Variants in MTRF1L observed in about 807,000 individuals in gnomAD.
MTRF1L encodes peptide chain release factor 1-like, mitochondrial.
A neutral mutation model predicts 40.0 loss-of-function variants in MTRF1L; 29 were observed. The observed-to-expected ratio is 0.73, with a 90% CI of 0.54 to 0.99. The LOEUF (loss-of-function observed/expected upper bound fraction) is 0.99. Among genes scored for constraint, MTRF1L ranks in the 50% least tolerant of loss-of-function variants. The pLI is 0.00. For missense variants in MTRF1L, 412 were observed against 464.5 expected, an observed-to-expected ratio of 0.89 and a Z score of 1.04; for synonymous variants, 150 against 175.8, an observed-to-expected ratio of 0.85 and a Z score of 1.16.
intron 2 of MTRF1L, among the ~76,000 whole-genome samples, chr6:152,995,987 T>A (rs1778702351): frequency 6.6e-6 from 1 of 152,160 alleles, no homozygotes; most frequent in African/African-American, 2.4e-5. Flanking sequence ...ATCAAGGGGA[T>A]CTAGAACAAA....
intron 2 of MTRF1L, among the ~76,000 whole-genome samples, chr6:152,996,963 T>A (rs772606511): frequency 1.2e-4 from 18 of 152,134 alleles, no homozygotes; most frequent in Non-Finnish European, 1.8e-4. Flanking sequence ...AGGCTCTAGT[T>A]TGAGGTACTA....
chr6:152,999,895 T>C (rs761855834), intron 1 of MTRF1L, among the ~76,000 whole-genome samples: 10 of 152,188 alleles, frequency 6.6e-5, no homozygotes, highest in Admixed American at 4.6e-4. Context: ...ATTAAAACAG[T>C]TGTGCCTTGA....
intron 1 of MTRF1L, among the ~76,000 whole-genome samples, chr6:153,002,182 C>T (rs190761984): frequency 2.6e-5 from 4 of 152,212 alleles, no homozygotes; most frequent in African/African-American, 4.8e-5. Flanking sequence ...AGCTAATGAG[C>T]TCTTGCCCGA....
Position 153,002,495 on chromosome 6 carries a change from A to G in MTRF1L, c.191T>C (p.Leu64Ser), listed in dbSNP as rs769046703. 386 of 1,613,522 alleles carry G rather than the reference A, an allele frequency of 2.4e-4. No individual in the cohort carries two copies. Among genetic ancestry groups the G allele is most frequent in the Non-Finnish European group, 3.0e-4 (359 of 1,179,826 alleles). ...EAHLKVRRPE[L>S]LAVIKLLNEK... ...GTTCAGCAGTTTGATCACCGCCAGC[A>G]ACTCGGGCCTCCTGACCTTCAAATG... is the stretch of plus-strand genomic sequence containing the variant. Residue 64 changes from leucine to serine, a missense_variant, in exon 1 of 7, where the codon TTG (leucine) becomes TCG (serine). By Grantham distance (145) the Leu-to-Ser change is moderately radical (BLOSUM62 -2). Transcript: ENST00000367233.
At chr6:152,996,766 A>G (rs139169667) in intron 2 of MTRF1L, among the ~76,000 whole-genome samples, 224 of 152,310 alleles carry the variant, frequency 1.5e-3, no homozygotes, top group Non-Finnish European at 2.9e-4. Flanking sequence ...ATGTAATCCA[A>G]TTCTTAAAAT....
intron 4 of MTRF1L, 124 bp from the exon 5 acceptor site, chr6:152,993,098 G>A: frequency 4.1e-6 from 3 of 725,118 alleles, no homozygotes; most frequent in Non-Finnish European, 6.9e-6. Flanking sequence ...TTAATTTTAA[G>A]ACTAGAGAGT....
intron 2 of MTRF1L, chr6:152,998,218 C>G (rs1200665655): frequency 6.8e-6 from 1 of 147,574 alleles, no homozygotes; most frequent in Non-Finnish European, 1.5e-5. Context: ...CCAGAAAATA[C>G]TATCACTGTG....
intron 5 of MTRF1L, 149 bp from the exon 6 acceptor site, chr6:152,991,470 CT>C: frequency 1.1e-6 from 1 of 930,824 alleles, no homozygotes; most frequent in Non-Finnish European, 1.5e-6. Context: ...AGACTATAAG[CT>C]TAACTTTTGC....
At position 153,002,490 on chromosome 6, in the gene MTRF1L, C is replaced by T; in HGVS notation, c.196G>A (p.Ala66Thr). The T allele has an allele frequency of 1.2e-6, 2 of 1,613,690 alleles. No homozygotes were observed. The highest frequency in any genetic ancestry group is 1.7e-6 in the Non-Finnish European group (2 of 1,179,848). Residue 66 changes from alanine to threonine, a missense_variant, in exon 1 of 7, where the codon GCG (alanine) becomes ACG (threonine). Ala to Thr is a moderately conservative substitution (Grantham distance 58). Coordinates refer to ENST00000367233, the MANE Select transcript of MTRF1L (RefSeq NM_019041.7). ...TTCTCGTTCAGCAGTTTGATCACCG[C>T]CAGCAACTCGGGCCTCCTGACCTTC... ...HLKVRRPELL[A>T]VIKLLNEKER...
intron 1 of MTRF1L, 127 bp downstream of exon 1, chr6:153,002,300 C>G: frequency 7.1e-7 from 1 of 1,417,690 alleles, no homozygotes; most frequent in Non-Finnish European, 9.8e-7. Flanking sequence ...GTCCTGACCT[C>G]TGATCCAAAA....
chr6:152,996,268 G>A (rs1359213837), intron 2 of MTRF1L, among the ~76,000 whole-genome samples: 1 of 152,118 alleles, frequency 6.6e-6, no homozygotes, highest in Non-Finnish European at 1.5e-5. Flanking sequence ...CTTGACATTG[G>A]TCAGAAGCTA....
chr6:152,998,499 T>C (rs1379944292), intron 2 of MTRF1L, 51 bp downstream of exon 2: 13 of 1,357,068 alleles, frequency 9.6e-6, no homozygotes, highest in Non-Finnish European at 1.2e-5. Flanking sequence ...TTAATAAACT[T>C]TAATGCCTAA....
chr6:152,995,288 G>A lies in MTRF1L; in HGVS notation c.371C>T (p.Thr124Ile), dbSNP rs767892301. 1.3e-6 allele frequency: 2 copies of A among 1,597,892 alleles called. No individual in the cohort carries two copies. The highest frequency in any genetic ancestry group is 3.5e-5 in the Admixed American group (2 of 57,238). Residue 124 changes from threonine (T) to isoleucine (I), a missense_variant, in exon 3 of 7, where the codon ACA becomes ATA. Transcript: ENST00000367233. ...TTCCAGGATCAAATCATTTTCATCT[G>A]TTTCTTCTGAGGGAACCAAAAGTAA... ...IILLLVPSEE[T>I]DENDLILEVT...
intron 4 of MTRF1L, among the ~76,000 whole-genome samples, chr6:152,993,843 C>T (rs534562340): frequency 1.3e-5 from 2 of 152,252 alleles, no homozygotes; most frequent in South Asian, 2.1e-4. Context: ...AAACTAAGAC[C>T]TAAAGAAAGG....
chr6:152,991,958 T>A (rs555301344), intron 5 of MTRF1L, among the ~76,000 whole-genome samples: 2 of 152,352 alleles, frequency 1.3e-5, no homozygotes, highest in East Asian at 3.9e-4. Context: ...AAGTAACAAC[T>A]ACTTATAGAA....
rs1013560250 is a variant in MTRF1L at position 152,994,851 on chromosome 6, A to C, written c.524-175T>G. Reference sequence around the variant, plus strand: ...TTAATATTTATCTTTACTGCTTACAAGTACTAAACAAAGCATTTATGGGGC... The same window carrying C: ...TTAATATTTATCTTTACTGCTTACACGTACTAAACAAAGCATTTATGGGGC... On this transcript the variant is annotated intron_variant, in intron 3 of 6. Transcript: ENST00000367233. The C allele has an allele frequency of 4.6e-6, 4 of 867,694 alleles. No homozygotes were observed. The African/African-American group carries it at 6.8e-5, about 15-fold the overall frequency. The allele number at this position is 867,694 out of a possible 1,614,324, so 53.7% of individuals were successfully genotyped here. A position where few individuals can be genotyped will look rare whatever the true frequency, so the allele number is the denominator to read the frequency against.
intron 1 of MTRF1L, among the ~76,000 whole-genome samples, chr6:153,001,886 C>T (rs1056166902): frequency 1.4e-4 from 22 of 152,232 alleles, no homozygotes; most frequent in Admixed American, 1.2e-3. Context: ...TGCTAACTTT[C>T]CATGGTCTAT....
chr6:153,000,259 T>TA (rs201831016), intron 1 of MTRF1L, among the ~76,000 whole-genome samples: 1,587 of 152,334 alleles, frequency 0.01, 40 homozygotes, highest in African/African-American at 0.036. Flanking sequence ...TTAATTTTAA[T>TA]ACTATATTTT....
At chr6:153,002,388 A>G in intron 1 of MTRF1L, 39 bp downstream of exon 1, 1 of 1,613,816 alleles carries the variant, frequency 6.2e-7, no homozygotes, top group Non-Finnish European at 8.5e-7. Context: ...AAGAGTCAAG[A>G]ATGTGCTCTG....
Sources: gnomAD v4.1 joint callset for allele counts (sites outside exome capture counted in the v4.1 genomes callset) on GRCh38, gnomAD v4.1.1 for gene constraint, MANE v1.5 for transcripts, NCBI Gene and HGNC (gene_info 2026-07-23, HGNC 2026-07-21) for gene names.